Variants in CUL9 observed in about 807,000 individuals in gnomAD.
CUL9 encodes cullin-9.
Under a neutral mutation model 272.6 loss-of-function variants are expected in CUL9, and 79 were observed. The ratio of observed to expected loss-of-function variants is 0.29; its 90% CI spans 0.24 to 0.35. The LOEUF is 0.35. Among genes scored for constraint, CUL9 ranks in the 10% least tolerant of loss-of-function variants. CUL9 has a pLI of 1.00. For synonymous variants in CUL9, 1,186 were observed against 1,286.5 expected (o/e 0.92, Z 1.67); for missense variants, 2,532 against 3,255.6 (o/e 0.78, Z 5.41).
At chr6:43,190,802 G>A (rs1212172432) in intron 8 of CUL9, among the ~76,000 whole-genome samples, 2 of 151,980 alleles carry the variant, frequency 1.3e-5, no homozygotes, top group South Asian at 2.1e-4. Context: ...CGTAGTTCCC[G>A]AGCCACCTCC....
chr6:43,215,904 A>G (rs1028294889), intron 30 of CUL9, among the ~76,000 whole-genome samples: 2 of 152,136 alleles, frequency 1.3e-5, no homozygotes, highest in African/African-American at 4.8e-5. Context: ...CCCATCAGCT[A>G]TTGGTCTCTT....
In CUL9 at chr6:43,204,547, C is replaced by T. The variant is rs375439178; in HGVS notation, c.4339+8C>T. 1.2e-6 allele frequency: 2 copies of T among 1,613,724 alleles called. No individual in the cohort carries two copies. The highest frequency in any genetic ancestry group is 2.2e-5 in the East Asian group (1 of 44,872). On this transcript the variant is annotated splice_region_variant and intron_variant, in intron 21 of 40. Coordinates refer to ENST00000252050, the MANE Select transcript of CUL9 (RefSeq NM_015089.4). ...AGCCATCCACTCGGCCCTGTAAGTC[C>T]CAGCTGTGGCCAGTGGAGCTGACTC... is the stretch of plus-strand genomic sequence containing the variant.
In CUL9 at chr6:43,221,220, C is replaced by T. The variant is rs541602404; in HGVS notation, c.6651C>T (p.Asp2217=). ...GGGTCGACGACGGTGGCTACTATGACGGCATGAGCGTGGAGGCGCAGAGCA... is the reference window on the plus strand; with the variant it reads ...GGGTCGACGACGGTGGCTACTATGATGGCATGAGCGTGGAGGCGCAGAGCA... ...SQWVDDGGYY[D]GMSVEAQSKH... is the part of the protein sequence containing the mutation. Residue 2217 remains aspartate (D), a synonymous_variant, in exon 34 of 41, where the codon GAC becomes GAT. Transcript: ENST00000252050. This position sits in a 1 kb window ranked among gnomAD's most constrained non-coding sequence, Gnocchi z 4.2. The T allele has an allele frequency of 1.4e-5, 22 of 1,611,806 alleles. No individual in the cohort carries two copies. The highest frequency in any genetic ancestry group is 6.6e-5 in the South Asian group (6 of 91,070).
At chr6:43,197,235 C>T (rs748177237) in intron 11 of CUL9, among the ~76,000 whole-genome samples, 22 of 152,028 alleles carry the variant, frequency 1.4e-4, no homozygotes, top group Non-Finnish European at 2.5e-4. Context: ...TTAGTAGAGA[C>T]AGGGTTTCAC....
intron 11 of CUL9, among the ~76,000 whole-genome samples, chr6:43,197,080 C>T (rs1209647031): frequency 1.3e-5 from 2 of 151,426 alleles, no homozygotes; most frequent in African/African-American, 4.9e-5. Flanking sequence ...GAGTTTTGCT[C>T]TTGTTTCCCA....
rs746401484 is a variant in CUL9, at chr6:43,206,091, C to T, written c.4878C>T (p.Pro1626=). Residue 1626 remains proline, a synonymous_variant, in exon 25 of 41, where the codon CCC becomes CCT. Transcript: ENST00000252050. This position sits in a 1 kb window ranked among gnomAD's most constrained non-coding sequence, Gnocchi z 4.8. ...TAGAGCAGATTGGCCTCTGTTTTCCCAACCGCCTCCCACAGCTGATGCTGC... is the reference window on the plus strand; with the variant it reads ...TAGAGCAGATTGGCCTCTGTTTTCCTAACCGCCTCCCACAGCTGATGCTGC... ...AVLEQIGLCF[P]NRLPQLMLQS... is the part of the protein sequence containing the mutation. 4 of 1,614,072 alleles carry T rather than the reference C, an allele frequency of 2.5e-6. No homozygotes were observed. In the African/African-American group the frequency reaches 4.0e-5, roughly 16 times the overall value.
chr6:43,184,987 C>G lies in CUL9; in HGVS notation c.595+82C>G. The G allele has an allele frequency of 9.7e-7, 1 of 1,029,986 alleles. No individual in the cohort carries two copies. The highest frequency in any genetic ancestry group is 1.6e-5 in the South Asian group (1 of 60,768). The allele number at this position is 1,029,986 out of a possible 1,614,324, so 63.8% of individuals were successfully genotyped here. On this transcript the variant is annotated intron_variant, in intron 2 of 40. Coordinates refer to ENST00000252050, the MANE Select transcript of CUL9 (RefSeq NM_015089.4). The surrounding 1 kb of genome is among the most constrained non-coding windows in gnomAD (Gnocchi z 4.8). The stretch of plus-strand genomic sequence containing the variant: ...AAGAAAGAGGAGAGATTTCCTAGCT[C>G]TGTAAGAACACCTAGTATTTGGTGA...
chr6:43,201,245 A>G (rs575254447), intron 16 of CUL9, among the ~76,000 whole-genome samples: 23 of 152,344 alleles, frequency 1.5e-4, no homozygotes, highest in Admixed American at 1.0e-3. Context: ...AGAGTAAGAA[A>G]AAGCATTGTG....
Position 43,222,295 on chromosome 6 carries a change from C to T in CUL9, c.6847-21C>T, listed in dbSNP as rs1448551374. 3.1e-6 allele frequency: 5 copies of T among 1,611,086 alleles called. No individual in the cohort carries two copies. The African/African-American group carries it at 5.3e-5, about 17-fold the overall frequency. On this transcript the variant is annotated intron_variant, in intron 35 of 40. Transcript: ENST00000252050. ...TGTCCAAACAAAACACCCAATAGCC[C>T]TCCCAACGTATCCTTGCTAGGTAAG...
chr6:43,195,976 AGCTGCCCCAAAGTTTGAGGTCTAGAATG>A, intron 9 of CUL9, 65 bp from the exon 10 acceptor site: 1 of 1,043,664 alleles, frequency 9.6e-7, no homozygotes, highest in South Asian at 1.5e-5. Context: ...CAAACAGCTC[AGCTGCCCCAAAGTTTGAGGTCTAGAATG>A]AGGCCTACCT....
At position 43,216,266 on chromosome 6, in the gene CUL9, G is replaced by A; in HGVS notation, c.6045G>A (p.Glu2015=). The A allele has an allele frequency of 2.5e-6, 4 of 1,613,964 alleles. No individual in the cohort carries two copies. Among genetic ancestry groups the A allele is most frequent in the Non-Finnish European group, 3.4e-6 (4 of 1,179,906 alleles). ...LMKQTVRQVQ[E]TLNLEPDVAQ... ...AGCAGACGGTGCGTCAGGTGCAGGAGACGCTGAACTTAGAGCCAGATGTCG... is the reference window on the plus strand; with the variant it reads ...AGCAGACGGTGCGTCAGGTGCAGGAAACGCTGAACTTAGAGCCAGATGTCG... Residue 2015 remains glutamate, a synonymous_variant, in exon 31 of 41, where the codon GAG becomes GAA. Transcript: ENST00000252050.
chr6:43,195,043 A>G (rs2150553578), intron 9 of CUL9, among the ~76,000 whole-genome samples: 1 of 152,324 alleles, frequency 6.6e-6, no homozygotes, highest in South Asian at 2.1e-4. Flanking sequence ...CGACAGAGTG[A>G]GACTTCATCT....
At chr6:43,205,241 A>G in intron 23 of CUL9, 22 bp from the exon 24 acceptor site, 1 of 1,610,666 alleles carries the variant, frequency 6.2e-7, no homozygotes. Flanking sequence ...TGGTTTGCTC[A>G]TGCCCTTTCC....
In CUL9 at chr6:43,220,889, G is replaced by A. The variant is rs1776308325; in HGVS notation, c.6566G>A (p.Cys2189Tyr). The A allele has an allele frequency of 6.2e-7, 1 of 1,612,498 alleles. No individual in the cohort carries two copies. Among genetic ancestry groups the A allele is most frequent in the African/African-American group, 1.3e-5 (1 of 74,904 alleles). The change falls in exon 33 of 41, where the codon TGC (cysteine) becomes TAC (tyrosine). Residue 2189 changes from cysteine (C) to tyrosine (Y), a missense_variant. By Grantham distance (194) the Cys-to-Tyr change is radical. Transcript: ENST00000252050. This position sits in a 1 kb window ranked among gnomAD's most constrained non-coding sequence, Gnocchi z 4.9. The part of the protein sequence containing the change: ...TTCSKCGWAS[C>Y]FNCSFPEAHY... Reference sequence around the variant, plus strand: ...TGCTCCAAGTGTGGCTGGGCCTCTTGCTTCAACTGTAGCTTCCCTGAGGTG... The same window carrying A: ...TGCTCCAAGTGTGGCTGGGCCTCTTACTTCAACTGTAGCTTCCCTGAGGTG...
intron 20 of CUL9, 130 bp downstream of exon 20, chr6:43,204,117 C>T: frequency 1.6e-6 from 2 of 1,243,620 alleles, no homozygotes; most frequent in South Asian, 1.6e-5. Flanking sequence ...CAGTGTTCCT[C>T]TCTCCTTCCT....
intron 30 of CUL9, among the ~76,000 whole-genome samples, 192 bp from the exon 31 acceptor site, chr6:43,215,966 G>T (rs1017602704): frequency 6.6e-6 from 1 of 152,246 alleles, no homozygotes; most frequent in Non-Finnish European, 1.5e-5. Context: ...GCAACAGCCA[G>T]CCCCACCCTG....
Position 43,224,110 on chromosome 6 carries a change from C to T in CUL9, c.7300C>T (p.Leu2434Phe), listed in dbSNP as rs1296552866. 2.5e-6 allele frequency: 4 copies of T among 1,614,238 alleles called. No homozygotes were observed. The highest frequency in any genetic ancestry group is 2.2e-5 in the South Asian group (2 of 91,082). ...QHSAQDFRVG[L>F]QSPSVEAWEA... ...TGCTCACCAGGATTTCCGGGTTGGTCTTCAGAGTCCATCAGTAGAGGCCTG... is the reference window on the plus strand; with the variant it reads ...TGCTCACCAGGATTTCCGGGTTGGTTTTCAGAGTCCATCAGTAGAGGCCTG... The change falls in exon 40 of 41, where the codon CTT becomes TTT. Residue 2434 changes from leucine (L) to phenylalanine (F), a missense_variant. Coordinates refer to ENST00000252050, the MANE Select transcript of CUL9 (RefSeq NM_015089.4). This position sits in a 1 kb window ranked among gnomAD's most constrained non-coding sequence, Gnocchi z 4.2.
intron 8 of CUL9, among the ~76,000 whole-genome samples, chr6:43,192,561 A>G (rs1773623267): frequency 1.3e-5 from 2 of 152,224 alleles, no homozygotes; most frequent in South Asian, 4.1e-4. Flanking sequence ...CTGTAGTCCC[A>G]GCTACTCAAG....
rs756934517 is a variant in CUL9 at position 43,188,704 on chromosome 6, CAGA to C, written c.2170_2172del (p.Arg724del). 9 of 1,609,900 alleles carry C rather than the reference CAGA, an allele frequency of 5.6e-6. No homozygotes were observed. The highest frequency in any genetic ancestry group is 7.6e-6 in the Non-Finnish European group (9 of 1,178,398). On this transcript the variant is annotated inframe_deletion, in exon 8 of 41. Transcript: ENST00000252050. ...GGGACCACCCTCTGGTCCGTCCTGACAGATCGCTGAGGTTAGCATACTGGGGAG... is the reference window on the plus strand; with the variant it reads ...GGGACCACCCTCTGGTCCGTCCTGACTCGCTGAGGTTAGCATACTGGGGAG...
Sources: gnomAD v4.1 joint callset for allele counts (sites outside exome capture counted in the v4.1 genomes callset) on GRCh38, gnomAD v4.1.1 for gene constraint, Gnocchi (gnomAD v3.1) non-coding constraint, MANE v1.5 for transcripts, NCBI Gene and HGNC (gene_info 2026-07-23, HGNC 2026-07-21) for gene names.